The following B3GALT1 variants were observed in gnomAD, a reference collection of about 807,000 sequenced individuals.
The protein encoded by B3GALT1 is beta-1,3-galactosyltransferase 1, also known as UDP-Gal:betaGlcNAc beta 1,3-galactosyltransferase, polypeptide 1.
A neutral mutation model predicts 23.2 loss-of-function variants in B3GALT1; 10 were observed. That is an observed-to-expected ratio of 0.43 (90% CI 0.27 to 0.73). B3GALT1 has a LOEUF of 0.73. Among genes scored for constraint, B3GALT1 ranks in the 30% least tolerant of loss-of-function variants. The pLI is 0.21. For synonymous variants in B3GALT1, 156 were observed against 141.5 expected (o/e 1.10, Z -0.73); for missense variants, 299 against 405.4 (o/e 0.74, Z 2.25).
chr2:167,740,074 G>GCCT, intron 3 of B3GALT1, among the ~76,000 whole-genome samples: 1 of 151,090 alleles, frequency 6.6e-6, no homozygotes, highest in Admixed American at 6.6e-5. Context: ...ACTCCAGCCT[G>GCCT]GGCAACAGAG....
chr2:167,699,713 A>G lies in B3GALT1; in HGVS notation c.-352+52747A>G, dbSNP rs202121595. On this transcript the variant is annotated intron_variant, in intron 3 of 4. Coordinates refer to ENST00000392690, the MANE Select transcript of B3GALT1 (RefSeq NM_020981.4). ...AAGAATATGAACCAATATATTTTAG[A>G]CAATATATATTTTTTCAAGACAGAG... is the stretch of plus-strand genomic sequence containing the variant. 4.6e-5 allele frequency among the ~76,000 whole-genome samples: 7 copies of G among 152,194 alleles called. No individual in the cohort carries two copies. The East Asian group carries it at 1.4e-3, about 29-fold the overall frequency.
In B3GALT1 at chr2:167,428,090, T is replaced by G. The variant is rs76768365; in HGVS notation, c.-510-62087T>G. On this transcript the variant is annotated intron_variant, in intron 1 of 4. Transcript: ENST00000392690. ...AACATTGAGTTTTTGCCACTAAGTG[T>G]TATCGAGCCACACATAAATACAGAT... Among the ~76,000 whole-genome samples the G allele has an allele frequency of 4.8e-3, 724 of 152,262 alleles. 6 individuals are homozygous for G. Among genetic ancestry groups the G allele is most frequent in the East Asian group, 0.018 (94 of 5,182 alleles).
At chr2:167,471,111 A>G (rs6750622) in intron 1 of B3GALT1, among the ~76,000 whole-genome samples, 7,463 of 152,270 alleles carry the variant, frequency 0.049, 601 homozygotes, top group African/African-American at 0.17. Flanking sequence ...GATAAGCAGA[A>G]TGCTGGATCA....
At position 167,870,226 on chromosome 2, in the gene B3GALT1, A is replaced by C; in HGVS notation, c.*206A>C. ...ACAATAAATGAGTTAGAAGGGCCAG[A>C]TTTCATTCTCAGTCCCAGAGCATTG... is the stretch of plus-strand genomic sequence containing the variant. On this transcript the variant is annotated 3_prime_UTR_variant, in exon 5 of 5. Transcript: ENST00000392690. 2.0e-6 allele frequency: 1 copy of C among 512,790 alleles called. No homozygotes were observed. Among genetic ancestry groups the C allele is most frequent in the Non-Finnish European group, 3.5e-6 (1 of 288,370 alleles). The allele number at this position is 512,790 out of a possible 1,614,324, so 31.8% of individuals were successfully genotyped here. A position where few individuals can be genotyped will look rare whatever the true frequency, so the allele number is the denominator to read the frequency against.
chr2:167,565,690 A>G (rs900668081), intron 2 of B3GALT1, among the ~76,000 whole-genome samples: 1 of 152,224 alleles, frequency 6.6e-6, no homozygotes, highest in African/African-American at 2.4e-5. Context: ...AAAAGTGGGC[A>G]AGGATATGAA....
intron 2 of B3GALT1, among the ~76,000 whole-genome samples, chr2:167,600,608 G>A (rs1684857951): frequency 6.6e-6 from 1 of 151,764 alleles, no homozygotes; most frequent in Non-Finnish European, 1.5e-5. Flanking sequence ...TACCTTTGCT[G>A]GATATCTCAT....
intron 2 of B3GALT1, among the ~76,000 whole-genome samples, chr2:167,549,127 CA>C (rs1683701991): frequency 2.0e-5 from 3 of 152,190 alleles, no homozygotes; most frequent in Non-Finnish European, 1.5e-5. Flanking sequence ...ATAAACCTCT[CA>C]AAAAATATTT....
At chr2:167,696,176 T>G (rs1686788768) in intron 3 of B3GALT1, among the ~76,000 whole-genome samples, 1 of 151,654 alleles carries the variant, frequency 6.6e-6, no homozygotes, top group Admixed American at 6.6e-5. Context: ...TTTCAAAACC[T>G]AACTTACATT....
At chr2:167,712,789 A>G (rs1394758248) in intron 3 of B3GALT1, among the ~76,000 whole-genome samples, 1 of 152,158 alleles carries the variant, frequency 6.6e-6, no homozygotes, top group African/African-American at 2.4e-5. Flanking sequence ...TGTTAGGGCT[A>G]TCTCCATTTT....
At chr2:167,544,364 G>C (rs537908172) in intron 2 of B3GALT1, among the ~76,000 whole-genome samples, 1 of 151,912 alleles carries the variant, frequency 6.6e-6, no homozygotes, top group Non-Finnish European at 1.5e-5. Context: ...GCATGATCTC[G>C]GTTCACTGCA....
At chr2:167,669,975 G>A (rs999529814) in intron 3 of B3GALT1, among the ~76,000 whole-genome samples, 6 of 152,124 alleles carry the variant, frequency 3.9e-5, no homozygotes, top group East Asian at 1.9e-4. Context: ...ACAACAAGCC[G>A]CAGATTCTAA....
chr2:167,566,352 G>T (rs567326386), intron 2 of B3GALT1, among the ~76,000 whole-genome samples: 1 of 151,142 alleles, frequency 6.6e-6, no homozygotes, highest in Non-Finnish European at 1.5e-5. Context: ...GGACTGTTTT[G>T]GGGTGGGGGG....
chr2:167,866,005 C>G (rs2105438970), intron 4 of B3GALT1, among the ~76,000 whole-genome samples: 1 of 152,154 alleles, frequency 6.6e-6, no homozygotes, highest in East Asian at 1.9e-4. Context: ...CTATCCTCTT[C>G]TTTTACTCAA....
chr2:167,573,950 T>G (rs1487787295), intron 2 of B3GALT1, among the ~76,000 whole-genome samples: 1 of 151,598 alleles, frequency 6.6e-6, no homozygotes, highest in Non-Finnish European at 1.5e-5. Flanking sequence ...CCATATGAAT[T>G]TATGAAAACA....
intron 2 of B3GALT1, among the ~76,000 whole-genome samples, chr2:167,562,225 A>T (rs1271750917): frequency 1.3e-5 from 2 of 152,252 alleles, no homozygotes; most frequent in Non-Finnish European, 2.9e-5. Context: ...ATCTCAATAG[A>T]TGCAGAAAAG....
intron 1 of B3GALT1, among the ~76,000 whole-genome samples, chr2:167,436,775 A>G (rs1698792544): frequency 6.6e-6 from 1 of 152,124 alleles, no homozygotes; most frequent in African/African-American, 2.4e-5. Context: ...CCCCCAGTTA[A>G]GAGGGTGCTG....
At chr2:167,669,514 G>C (rs188095486) in intron 3 of B3GALT1, among the ~76,000 whole-genome samples, 112 of 152,206 alleles carry the variant, frequency 7.4e-4, no homozygotes, top group Non-Finnish European at 1.3e-3. Context: ...GGAATTTATT[G>C]AATGGTTTTA....
At chr2:167,847,523 A>T (rs1443310633) in intron 4 of B3GALT1, among the ~76,000 whole-genome samples, 1 of 152,218 alleles carries the variant, frequency 6.6e-6, no homozygotes, top group African/African-American at 2.4e-5. Context: ...AGAAATTTAA[A>T]AATTCTTCAG....
At chr2:167,558,932 G>T (rs1235503088) in intron 2 of B3GALT1, among the ~76,000 whole-genome samples, 1 of 152,208 alleles carries the variant, frequency 6.6e-6, no homozygotes, top group East Asian at 1.9e-4. Flanking sequence ...AAATGTCCCT[G>T]TCTGACAGCT....
Sources: allele counts gnomAD v4.1 joint callset (sites outside exome capture counted in the v4.1 genomes callset), GRCh38; gene constraint gnomAD v4.1.1; transcripts MANE v1.5; gene names NCBI Gene and HGNC (gene_info 2026-07-23, HGNC 2026-07-21).